MAPK10: variants seen among roughly 807,000 people sequenced by gnomAD.
MAPK10 encodes JNK3 alpha protein kinase.
Under a neutral mutation model 59.3 loss-of-function variants are expected in MAPK10, and 25 were observed. That is an observed-to-expected ratio of 0.42 (90% CI 0.31 to 0.59). The LOEUF is 0.59. Among genes scored for constraint, MAPK10 ranks in the 20% least tolerant of loss-of-function variants. MAPK10 has a pLI of 0.15. For missense variants in MAPK10, 351 were observed against 568.9 expected (o/e 0.62, Z 3.90); for synonymous variants, 190 against 200.5 (o/e 0.95, Z 0.44).
At position 86,020,084 on chromosome 4, in the gene MAPK10, C is replaced by T. The variant is rs1745610893; in HGVS notation, c.1253-2714G>A. The T allele has an allele frequency of 2.0e-5, 3 of 152,202 alleles. No individual in the cohort carries two copies. The South Asian group carries it at 6.2e-4, about 32-fold the overall frequency. The allele number at this position is 152,202 out of a possible 1,614,324, so 9.4% of individuals were successfully genotyped here. On this transcript the variant is annotated intron_variant, in intron 13 of 13. Transcript: ENST00000641462. Reference sequence around the variant, plus strand: ...CTAAAGAAAACCCTGCACTCCATTCCTCACCTACCCTGTAGCTCTAGGCAA... The same window carrying T: ...CTAAAGAAAACCCTGCACTCCATTCTTCACCTACCCTGTAGCTCTAGGCAA...
chr4:86,353,679 T>A (rs1004269676), intron 2 of MAPK10, among the ~76,000 whole-genome samples: 1 of 152,194 alleles, frequency 6.6e-6, no homozygotes, highest in African/African-American at 2.4e-5. Flanking sequence ...AGTCATAGGC[T>A]GTGCATTAAT....
At chr4:86,525,240 T>C (rs1373073578) in intron 1 of MAPK10, among the ~76,000 whole-genome samples, 1 of 152,042 alleles carries the variant, frequency 6.6e-6, no homozygotes, top group Non-Finnish European at 1.5e-5. Flanking sequence ...GAGGCTGCAG[T>C]GAGCCAAGAT....
intron 9 of MAPK10, among the ~76,000 whole-genome samples, chr4:86,072,443 G>C (rs1272537550): frequency 1.4e-5 from 2 of 139,528 alleles, no homozygotes; most frequent in Admixed American, 7.1e-5. Flanking sequence ...AATAGGAGTG[G>C]TGAGAGAGGG....
intron 2 of MAPK10, among the ~76,000 whole-genome samples, chr4:86,206,388 T>A (rs2149342491): frequency 6.6e-6 from 1 of 152,174 alleles, no homozygotes; most frequent in East Asian, 1.9e-4. Context: ...TCATTTTTTA[T>A]GGCTGCATAG....
chr4:86,199,256 CAATA>C (rs1294854487), intron 2 of MAPK10, among the ~76,000 whole-genome samples: 2 of 151,266 alleles, frequency 1.3e-5, no homozygotes, highest in African/African-American at 2.4e-5. Flanking sequence ...TATAATAGTG[CAATA>C]AATAATAAAA....
chr4:86,184,056 G>C (rs28489900), intron 3 of MAPK10, among the ~76,000 whole-genome samples: 12,881 of 152,072 alleles, frequency 0.085, 1,207 homozygotes, highest in African/African-American at 0.23. Flanking sequence ...TGTCAGATGA[G>C]TAGATTGCAA....
intron 3 of MAPK10, among the ~76,000 whole-genome samples, chr4:86,176,595 A>G (rs1248350195): frequency 6.6e-6 from 1 of 152,106 alleles, no homozygotes; most frequent in African/African-American, 2.4e-5. Flanking sequence ...AAACTTGAGC[A>G]GCATAACTAA....
chr4:86,413,858 AC>A (rs1745515915), intron 1 of MAPK10, among the ~76,000 whole-genome samples: 2 of 151,878 alleles, frequency 1.3e-5, no homozygotes, highest in South Asian at 4.2e-4. Flanking sequence ...AAATCCCCCA[AC>A]CCCTTGTGCT....
intron 9 of MAPK10, among the ~76,000 whole-genome samples, chr4:86,077,368 C>A (rs1215273623): frequency 6.6e-6 from 1 of 152,152 alleles, no homozygotes. Context: ...ATGCCTTGAA[C>A]ATAATATATG....
chr4:86,444,631 C>A (rs1331501267), intron 1 of MAPK10, among the ~76,000 whole-genome samples: 1 of 151,502 alleles, frequency 6.6e-6, no homozygotes, highest in African/African-American at 2.4e-5. Flanking sequence ...ATCAAACAGG[C>A]AACCTACAGA....
chr4:86,461,909 T>C (rs1473275531), intron 1 of MAPK10, among the ~76,000 whole-genome samples: 1 of 152,192 alleles, frequency 6.6e-6, no homozygotes, highest in Non-Finnish European at 1.5e-5. Flanking sequence ...ATTTAGAGGC[T>C]TGGCAGTTCC....
chr4:86,287,134 A>T (rs75002251), intron 2 of MAPK10, among the ~76,000 whole-genome samples: 1 of 152,322 alleles, frequency 6.6e-6, no homozygotes, highest in East Asian at 1.9e-4. Flanking sequence ...GTAAGGAAAG[A>T]GGATCATGAA....
chr4:86,175,902 T>G (rs928296553), intron 3 of MAPK10: 1 of 152,190 alleles, frequency 6.6e-6, no homozygotes, highest in Non-Finnish European at 1.5e-5. Context: ...TTGTTTTTCA[T>G]CTTTTTGAAT....
At chr4:86,553,484 A>G (rs528613718) in intron 1 of MAPK10, among the ~76,000 whole-genome samples, 1 of 152,288 alleles carries the variant, frequency 6.6e-6, no homozygotes, top group East Asian at 1.9e-4. Flanking sequence ...GCTTACTGAC[A>G]TGAAGCCACT....
At chr4:86,469,505 C>G (rs1752490876) in intron 1 of MAPK10, among the ~76,000 whole-genome samples, 1 of 152,166 alleles carries the variant, frequency 6.6e-6, no homozygotes, top group African/African-American at 2.4e-5. Flanking sequence ...GTAGATAATG[C>G]AGAAAACACT....
intron 4 of MAPK10, among the ~76,000 whole-genome samples, chr4:86,130,083 T>C (rs1392650716): frequency 6.6e-6 from 1 of 152,148 alleles, no homozygotes. Context: ...ATAATATCTC[T>C]TTTTCTTTTG....
intron 1 of MAPK10, among the ~76,000 whole-genome samples, chr4:86,495,557 A>G (rs1268441263): frequency 6.6e-6 from 1 of 152,244 alleles, no homozygotes; most frequent in African/African-American, 2.4e-5. Flanking sequence ...AATAATATCA[A>G]ACATTTAGTG....
At chr4:86,227,852 A>G (rs2090921857) in intron 2 of MAPK10, among the ~76,000 whole-genome samples, 1 of 152,128 alleles carries the variant, frequency 6.6e-6, no homozygotes, top group Admixed American at 6.5e-5. Flanking sequence ...TCTGTTCTCA[A>G]AGTGTACTTA....
At chr4:86,240,240 C>T (rs968245751) in intron 2 of MAPK10, among the ~76,000 whole-genome samples, 1 of 152,168 alleles carries the variant, frequency 6.6e-6, no homozygotes, top group Non-Finnish European at 1.5e-5. Context: ...AGTTCTTTTG[C>T]ACTTGCTGAG....
Sources: gnomAD v4.1 joint callset for allele counts (sites outside exome capture counted in the v4.1 genomes callset) on GRCh38, gnomAD v4.1.1 for gene constraint, MANE v1.5 for transcripts, NCBI Gene and HGNC (gene_info 2026-07-23, HGNC 2026-07-21) for gene names.